The following TRPM1 variants were observed in gnomAD, a reference collection of about 807,000 sequenced individuals.
TRPM1 encodes the protein TRPM1-203 APA Isoform, Intron 10.
A neutral mutation model predicts 149.4 loss-of-function variants in TRPM1; 113 were observed. That is an observed-to-expected ratio of 0.76 (90% confidence interval 0.65 to 0.88). The LOEUF (loss-of-function observed/expected upper bound fraction) is 0.88. Among genes scored for constraint, TRPM1 ranks in the 40% least tolerant of loss-of-function variants. The pLI is 0.00. For missense variants in TRPM1, 1,976 were observed against 2,038.7 expected, an observed-to-expected ratio of 0.97 and a Z score of 0.59; for synonymous variants, 741 against 759.5, an observed-to-expected ratio of 0.98 and a Z score of 0.40.
At chr15:31,060,911 G>C (rs954159245) in intron 10 of TRPM1, among the ~76,000 whole-genome samples, 1 of 152,188 alleles carries the variant, frequency 6.6e-6, no homozygotes, top group Non-Finnish European at 1.5e-5. Flanking sequence ...AGGGACCCTG[G>C]AGATGATCTC....
chr15:31,159,087 G>C (rs2036413378), intron 1 of TRPM1, among the ~76,000 whole-genome samples: 1 of 152,180 alleles, frequency 6.6e-6, no homozygotes, highest in South Asian at 2.1e-4. Context: ...GATCACCTCA[G>C]ATAGGGGGAG....
chr15:31,148,570 G>A (rs925296676), intron 1 of TRPM1, among the ~76,000 whole-genome samples: 1 of 152,196 alleles, frequency 6.6e-6, no homozygotes, highest in African/African-American at 2.4e-5. Flanking sequence ...AAGGAGGAAA[G>A]GTAAACTCTT....
chr15:31,134,749 C>A (rs1010239081), intron 1 of TRPM1, among the ~76,000 whole-genome samples: 3 of 152,238 alleles, frequency 2.0e-5, no homozygotes, highest in Non-Finnish European at 2.9e-5. Context: ...TACCTGTAAT[C>A]CCAGCACTTT....
At chr15:31,117,945 C>T (rs942660611) in intron 1 of TRPM1, among the ~76,000 whole-genome samples, 1 of 151,966 alleles carries the variant, frequency 6.6e-6, no homozygotes, top group African/African-American at 2.4e-5. Flanking sequence ...ACATAGTATC[C>T]AAAGATTGTG....
At chr15:31,131,148 A>G (rs2036010835) in intron 1 of TRPM1, among the ~76,000 whole-genome samples, 1 of 152,254 alleles carries the variant, frequency 6.6e-6, no homozygotes, top group Non-Finnish European at 1.5e-5. Context: ...TGTCTTGGGC[A>G]TGAATCCTCC....
chr15:31,084,190 C>G (rs1382800052), intron 1 of TRPM1, among the ~76,000 whole-genome samples: 1 of 152,124 alleles, frequency 6.6e-6, no homozygotes, highest in Non-Finnish European at 1.5e-5. Flanking sequence ...TTTGTACTTT[C>G]TTTTTTAAAA....
chr15:31,039,848 C>T (rs1230686380), intron 18 of TRPM1, among the ~76,000 whole-genome samples: 1 of 152,132 alleles, frequency 6.6e-6, no homozygotes, highest in Non-Finnish European at 1.5e-5. Flanking sequence ...GGGGTTTGTG[C>T]AGCCTGGTGG....
In TRPM1 at chr15:31,002,825, T is replaced by C. The variant is rs1304350906; in HGVS notation, c.3875A>G (p.Tyr1292Cys). 1.2e-6 allele frequency: 2 copies of C among 1,614,120 alleles called. No homozygotes were observed. Among genetic ancestry groups the C allele is most frequent in the African/African-American group, 2.7e-5 (2 of 74,946 alleles). Residue 1292 changes from tyrosine to cysteine, a missense_variant, in exon 28 of 28, where the codon TAC becomes TGC. Tyr to Cys is a radical substitution (Grantham distance 194). Around this residue, in one of 3 missense-constraint regions of TRPM1, gnomAD observed 572 missense variants for 578.9 expected, o/e 0.99. Coordinates refer to ENST00000256552, the MANE Select transcript of TRPM1 (RefSeq NM_001252024.2). Reference sequence around the variant, plus strand: ...GTTAAAATGATATCGATACAAGCTGTAGCCATCAGCGCTATTGATGCTGCT... The same window carrying C: ...GTTAAAATGATATCGATACAAGCTGCAGCCATCAGCGCTATTGATGCTGCT... Reference protein sequence around the residue: ...RQSSINSADGYSLYRYHFNGE... With the variant: ...RQSSINSADGCSLYRYHFNGE...
rs35862690 is a variant in TRPM1 at position 31,150,433 on chromosome 15, CTTTTTTTTTT to C, written c.54+10463_54+10472del. Among the ~76,000 whole-genome samples, 5 of 110,874 alleles carry C rather than the reference CTTTTTTTTTT, an allele frequency of 4.5e-5. No homozygotes were observed. The Admixed American group carries it at 4.6e-4, about 10-fold the overall frequency. The allele number at this position is 110,874 out of a possible 152,430, so 72.7% of individuals were successfully genotyped here. A position where few individuals can be genotyped will look rare whatever the true frequency, so the allele number is the denominator to read the frequency against. Reference sequence around the variant, plus strand: ...CTCCTCAGTTGAATTTTTTCTTTTCCTTTTTTTTTTTTTTTTTTTTTGAGATGGAGTCTTG... The same window carrying C: ...CTCCTCAGTTGAATTTTTTCTTTTCCTTTTTTTTTTTGAGATGGAGTCTTG... On this transcript the variant is annotated intron_variant, in intron 1 of 26. Coordinates refer to the TRPM1 transcript ENST00000542188.
chr15:31,118,221 G>A (rs149755421), intron 1 of TRPM1, among the ~76,000 whole-genome samples: 4,744 of 152,220 alleles, frequency 0.031, 252 homozygotes, highest in African/African-American at 0.11. Context: ...TTGCACCACT[G>A]CACTCCAGCC....
chr15:31,030,842 C>A, intron 23 of TRPM1, 141 bp downstream of exon 23: 7 of 928,924 alleles, frequency 7.5e-6, no homozygotes, highest in South Asian at 1.5e-5. Flanking sequence ...GTTCTTATTT[C>A]TTTGTAAAAT....
At chr15:31,101,624 C>A (rs1220137808) in intron 1 of TRPM1, 33 bp downstream of exon 1, 23 of 984,648 alleles carry the variant, frequency 2.3e-5, no homozygotes, top group Non-Finnish European at 2.4e-5. Context: ...ACCTGACCTC[C>A]CTTCACCTGT....
At position 31,081,373 on chromosome 15, in the gene TRPM1, A is replaced by G. The variant is rs1370371822; in HGVS notation, c.-18T>C. Reference sequence around the variant, plus strand: ...TTAACCATGAGTTTTCAAAAAGTTGATATAAGGAAATAGCCTCAGTCCAGC... The same window carrying G: ...TTAACCATGAGTTTTCAAAAAGTTGGTATAAGGAAATAGCCTCAGTCCAGC... On this transcript the variant is annotated 5_prime_UTR_variant, in exon 2 of 28. Transcript: ENST00000256552. 5.2e-6 allele frequency: 8 copies of G among 1,534,262 alleles called. No homozygotes were observed. The highest frequency in any genetic ancestry group is 7.0e-6 in the Non-Finnish European group (8 of 1,146,062).
At chr15:31,092,453 C>T (rs553097581) in intron 1 of TRPM1, among the ~76,000 whole-genome samples, 39 of 152,188 alleles carry the variant, frequency 2.6e-4, no homozygotes, top group Admixed American at 1.7e-3. Flanking sequence ...AGGCCGACCA[C>T]GCGGCCAGGC....
At chr15:31,104,101 C>T (rs1398118121), upstream of TRPM1, among the ~76,000 whole-genome samples, 1 of 152,116 alleles carries the variant, frequency 6.6e-6, no homozygotes, top group Non-Finnish European at 1.5e-5. Flanking sequence ...TCTGAGGACA[C>T]AAGAACACCA....
chr15:31,088,085 C>G (rs1347772343), intron 1 of TRPM1, among the ~76,000 whole-genome samples: 5 of 152,130 alleles, frequency 3.3e-5, no homozygotes, highest in Non-Finnish European at 4.4e-5. Context: ...GCTTCTGGGT[C>G]GGGTGGGGAC....
chr15:31,091,194 GAGTGA>G (rs1454838428), intron 1 of TRPM1, among the ~76,000 whole-genome samples: 1 of 152,220 alleles, frequency 6.6e-6, no homozygotes, highest in Non-Finnish European at 1.5e-5. Context: ...GCAGAGCTGA[GAGTGA>G]AACCCGGGCC....
rs1432867132 is a variant in TRPM1 at position 31,026,221 on chromosome 15, G to A, written c.3547C>T (p.Gln1183Ter). 1.9e-6 allele frequency: 3 copies of A among 1,612,318 alleles called. No homozygotes were observed. The highest frequency in any genetic ancestry group is 1.7e-6 in the Non-Finnish European group (2 of 1,180,018). The change falls in exon 27 of 28, where the codon CAG becomes TAG. Residue 1183 changes from glutamine (Q) to a stop codon, truncating the protein, a stop_gained. Coordinates refer to ENST00000256552, the MANE Select transcript of TRPM1 (RefSeq NM_001252024.2). LOFTEE classifies it high-confidence loss of function. ...ELKRLHEFEE[Q>*]CVQEHFREKE... ...TCCCGGAAGTGCTCCTGCACGCACTGCTCCTCGAACTCATGCAGCCTCTTT... is the reference window on the plus strand; with the variant it reads ...TCCCGGAAGTGCTCCTGCACGCACTACTCCTCGAACTCATGCAGCCTCTTT...
rs11402110 is a variant in TRPM1 at position 31,133,694 on chromosome 15, A to AC, written c.54+27211_54+27212insG. On this transcript the variant is annotated intron_variant, in intron 1 of 26. Transcript: ENST00000542188. Reference sequence around the variant, plus strand: ...GAGACTGTCTCAAAAACAAAACAAAAAAAAAATTGGGAGGGGGTGGGAAAC... The same window carrying AC: ...GAGACTGTCTCAAAAACAAAACAAAACAAAAAATTGGGAGGGGGTGGGAAAC... Among the ~76,000 whole-genome samples, 1,113 of 152,122 alleles carry AC rather than the reference A, an allele frequency of 7.3e-3. 14 individuals carry two copies. The highest frequency in any genetic ancestry group is 0.025 in the African/African-American group (1,032 of 41,484).
Sources: gnomAD v4.1 joint callset for allele counts (sites outside exome capture counted in the v4.1 genomes callset) on GRCh38, gnomAD v4.1.1 for gene constraint, gnomAD v4.1.1 regional missense constraint, MANE v1.5 for transcripts, NCBI Gene and HGNC (gene_info 2026-07-23, HGNC 2026-07-21) for gene names.